The following VEGFA variants were observed in gnomAD, a reference collection of about 807,000 sequenced individuals.
The protein encoded by VEGFA is vascular endothelial growth factor A, long form.
A neutral mutation model predicts 49.7 loss-of-function variants in VEGFA; 20 were observed. The ratio of observed to expected loss-of-function variants is 0.40; its 90% CI spans 0.28 to 0.58. The LOEUF (loss-of-function observed/expected upper bound fraction) is 0.58. Ranked by LOEUF, VEGFA falls within the 20% of genes least tolerant of loss-of-function variation. The pLI, the probability that VEGFA is intolerant of heterozygous loss-of-function variation, is 0.40. For synonymous variants in VEGFA, 219 were observed against 223.4 expected, an observed-to-expected ratio of 0.98 and a Z score of 0.18; for missense variants, 505 against 553.5, an observed-to-expected ratio of 0.91 and a Z score of 0.88.
intron 3 of VEGFA, 51 bp from the exon 4 acceptor site, chr6:43,778,409 G>T: frequency 6.5e-7 from 1 of 1,546,186 alleles, no homozygotes; most frequent in Non-Finnish European, 8.9e-7. Flanking sequence ...TCCCATCTGG[G>T]TATGGCTGGC....
chr6:43,782,013 G>T lies in VEGFA; in HGVS notation c.1092G>T (p.Thr364=). 6.2e-7 allele frequency: 1 copy of T among 1,614,100 alleles called. No homozygotes were observed. Among genetic ancestry groups the T allele is most frequent in the Non-Finnish European group, 8.5e-7 (1 of 1,179,986 alleles). ...ATTTGTTTGTACAAGATCCGCAGAC[G>T]TGTAAATGTTCCTGCAAAAACACAG... Residue 364 remains threonine, a synonymous_variant, in exon 7 of 8, where the codon ACG becomes ACT. Transcript: ENST00000672860.
intron 1 of VEGFA, chr6:43,771,955 G>A: frequency 1.0e-6 from 1 of 956,630 alleles, no homozygotes; most frequent in Middle Eastern, 5.4e-4. Context: ...CCGCCCGGCC[G>A]GGTGCGCGCG....
chr6:43,780,952 C>T (rs1767462980), intron 6 of VEGFA, 149 bp downstream of exon 6: 6 of 1,591,648 alleles, frequency 3.8e-6, no homozygotes, highest in South Asian at 2.2e-5. Flanking sequence ...CTCACTCTCT[C>T]ACTCCACTAA....
At chr6:43,774,683 G>A (rs181547584) in intron 2 of VEGFA, 7 of 523,826 alleles carry the variant, frequency 1.3e-5, no homozygotes, top group African/African-American at 7.7e-5. Context: ...CAGTGTTCAG[G>A]GATCCTAGGT....
chr6:43,770,655 C>A lies in VEGFA; in HGVS notation c.-52C>A. On this transcript the variant is annotated 5_prime_UTR_variant, in exon 1 of 8. Coordinates refer to ENST00000672860, the MANE Select transcript of VEGFA (RefSeq NM_003376.6). ...GTGACCTGCTTTTGGGGGTGACCGCCGGAGCGCGGCGTGAGCCCTCCCCCT... is the reference window on the plus strand; with the variant it reads ...GTGACCTGCTTTTGGGGGTGACCGCAGGAGCGCGGCGTGAGCCCTCCCCCT... The A allele has an allele frequency of 1.3e-6, 2 of 1,510,966 alleles. No homozygotes were observed. Among genetic ancestry groups the A allele is most frequent in the South Asian group, 1.2e-5 (1 of 80,200 alleles). 93.6% of individuals were successfully genotyped at this position (1,510,966 alleles called of 1,614,324 possible). A position where few individuals can be genotyped will look rare whatever the true frequency, so the allele number is the denominator to read the frequency against.
chr6:43,778,707 G>A (rs865856851), intron 4 of VEGFA, 171 bp downstream of exon 4: 66 of 963,332 alleles, frequency 6.9e-5, no homozygotes, highest in Middle Eastern at 2.1e-4. Flanking sequence ...GGGCACAATA[G>A]TAGTATACTT....
At chr6:43,774,724 C>T (rs921911795) in intron 2 of VEGFA, 2 of 475,380 alleles carry the variant, frequency 4.2e-6, no homozygotes, top group Middle Eastern at 6.1e-4. Context: ...TTTCCCCTAG[C>T]TCCCAGGGGA....
chr6:43,781,429 G>A (rs892919184), intron 6 of VEGFA: 1 of 238,016 alleles, frequency 4.2e-6, no homozygotes, highest in Non-Finnish European at 8.4e-6. Flanking sequence ...CTTCCTCTGG[G>A]TCGGAGGCTG....
At chr6:43,781,490 C>A in intron 6 of VEGFA, 1 of 282,002 alleles carries the variant, frequency 3.5e-6, no homozygotes, top group Non-Finnish European at 6.9e-6. Flanking sequence ...GGCCTGGGGA[C>A]ACCGCCTCCG....
At position 43,770,241 on chromosome 6, in the gene VEGFA, A is replaced by T. The variant is rs999854005; in HGVS notation, c.-466A>T. Reference sequence around the variant, plus strand: ...GGCTTGGGGCAGCCGGGTAGCTCGGAGGTCGTGGCGCTGGGGGCTAGCACC... The same window carrying T: ...GGCTTGGGGCAGCCGGGTAGCTCGGTGGTCGTGGCGCTGGGGGCTAGCACC... On this transcript the variant is annotated 5_prime_UTR_variant, in exon 1 of 8. Transcript: ENST00000672860. 3.8e-5 allele frequency: 9 copies of T among 237,414 alleles called. No individual in the cohort carries two copies. The Admixed American group carries it at 4.0e-4, about 10-fold the overall frequency. The allele number at this position is 237,414 out of a possible 1,614,324, so 14.7% of individuals were successfully genotyped here. A position where few individuals can be genotyped will look rare whatever the true frequency, so the allele number is the denominator to read the frequency against.
intron 7 of VEGFA, chr6:43,782,588 T>A (rs1369748322): frequency 8.3e-6 from 2 of 240,806 alleles, no homozygotes; most frequent in East Asian, 2.1e-4. Context: ...GGGGAAGGAA[T>A]TGAGTCTCCC....
intron 5 of VEGFA, 110 bp from the exon 6 acceptor site, chr6:43,780,622 C>T: frequency 1.1e-5 from 17 of 1,501,192 alleles, no homozygotes; most frequent in Non-Finnish European, 1.5e-5. Flanking sequence ...CGGGAAGCGG[C>T]CCTGTGTGGC....
At chr6:43,774,087 A>G in intron 1 of VEGFA, 1 of 576,684 alleles carries the variant, frequency 1.7e-6, no homozygotes, top group Non-Finnish European at 3.1e-6. Flanking sequence ...TTCCTCCTGC[A>G]TTTCGAGCTC....
intron 6 of VEGFA, chr6:43,781,110 G>A: frequency 1.7e-6 from 1 of 592,918 alleles, no homozygotes; most frequent in Non-Finnish European, 3.0e-6. Flanking sequence ...CTGGTGGCGG[G>A]CCCATGTTGG....
chr6:43,780,777 G>A lies in VEGFA; in HGVS notation c.1008G>A (p.Lys336=), dbSNP rs767275728. Residue 336 remains lysine (K), a synonymous_variant, in exon 6 of 8, where the codon AAG becomes AAA. Transcript: ENST00000672860. ...GAAAGGGGCAAAAACGAAAGCGCAA[G>A]AAATCCCGGTATAAGTCCTGGAGCG... 4.3e-6 allele frequency: 7 copies of A among 1,613,538 alleles called. No individual in the cohort carries two copies. Among genetic ancestry groups the A allele is most frequent in the Admixed American group, 1.7e-5 (1 of 59,926 alleles).
At chr6:43,771,724 C>T (rs943120129) in intron 1 of VEGFA, among the ~76,000 whole-genome samples, 4 of 152,206 alleles carry the variant, frequency 2.6e-5, no homozygotes, top group African/African-American at 9.6e-5. Flanking sequence ...AGGGGGTGCT[C>T]GGACCTTGGA....
At position 43,777,700 on chromosome 6, in the gene VEGFA, T is replaced by C; in HGVS notation, c.855+35T>C. 70 of 623,670 alleles carry C rather than the reference T, an allele frequency of 1.1e-4. No individual in the cohort carries two copies. The highest frequency in any genetic ancestry group is 1.9e-4 in the Non-Finnish European group (66 of 340,874). 38.6% of individuals were successfully genotyped at this position (623,670 alleles called of 1,614,324 possible). ...TTTGGGAAGTGGGGCAAGGGGGGGA[T>C]AGGGAGGGGGGTAACACTTTGGGAA... On this transcript the variant is annotated intron_variant, in intron 3 of 7. Transcript: ENST00000672860. This position sits in a 1 kb window ranked among gnomAD's most constrained non-coding sequence, Gnocchi z 4.3.
intron 3 of VEGFA, chr6:43,778,169 A>G: frequency 1.9e-6 from 1 of 533,742 alleles, no homozygotes; most frequent in Non-Finnish European, 3.4e-6. Context: ...AAAGAAGGGG[A>G]GGGGATGGGG....
intron 7 of VEGFA, 126 bp from the exon 8 acceptor site, chr6:43,784,415 C>T (rs1260629629): frequency 6.5e-6 from 6 of 920,750 alleles, no homozygotes; most frequent in South Asian, 2.6e-5. Flanking sequence ...TTCCTGTCCT[C>T]TCTGCTCTTA....
Sources: gnomAD v4.1 joint callset for allele counts (sites outside exome capture counted in the v4.1 genomes callset) on GRCh38, gnomAD v4.1.1 for gene constraint, Gnocchi (gnomAD v3.1) non-coding constraint, MANE v1.5 for transcripts, NCBI Gene and HGNC (gene_info 2026-07-23, HGNC 2026-07-21) for gene names.